The following ITFG1 variants were observed in gnomAD, a reference collection of about 807,000 sequenced individuals.
The protein encoded by ITFG1 is T-cell immunomodulatory protein.
ITFG1 carries 34 observed loss-of-function variants against 81.8 expected under a neutral mutation model. The ratio of observed to expected loss-of-function variants is 0.42; its 90% confidence interval spans 0.32 to 0.55. ITFG1 has a LOEUF of 0.55. Among genes scored for constraint, ITFG1 ranks in the 20% least tolerant of loss-of-function variants. The pLI, the probability that ITFG1 is intolerant of heterozygous loss-of-function variation, is 0.17. For synonymous variants in ITFG1, 285 were observed against 270.6 expected, an observed-to-expected ratio of 1.05 and a Z score of -0.52; for missense variants, 672 against 755.4, an observed-to-expected ratio of 0.89 and a Z score of 1.29.
intron 10 of ITFG1, 81 bp from the exon 11 acceptor site, chr16:47,260,776 A>G: frequency 9.2e-6 from 13 of 1,408,894 alleles, no homozygotes; most frequent in Non-Finnish European, 1.3e-5. Flanking sequence ...CTAGATTAAA[A>G]GGAGACGGTA....
At chr16:47,414,167 C>T (rs1490870459) in intron 6 of ITFG1, among the ~76,000 whole-genome samples, 1 of 151,876 alleles carries the variant, frequency 6.6e-6, no homozygotes, top group Non-Finnish European at 1.5e-5. Flanking sequence ...TGCAAACAAA[C>T]AAACAAAAGA....
At chr16:47,313,145 A>G (rs1967294039) in intron 9 of ITFG1, 1 of 152,258 alleles carries the variant, frequency 6.6e-6, no homozygotes, top group Non-Finnish European at 1.5e-5. Flanking sequence ...TAGAATGCTG[A>G]CTGTGTGAAG....
chr16:47,388,253 TGA>T (rs956540272), intron 6 of ITFG1, among the ~76,000 whole-genome samples: 17 of 151,474 alleles, frequency 1.1e-4, no homozygotes, highest in Admixed American at 2.0e-4. Context: ...CTAGTAGAAG[TGA>T]GAGAGAGAGA....
At chr16:47,269,505 T>G (rs1404221071) in intron 10 of ITFG1, among the ~76,000 whole-genome samples, 1 of 121,924 alleles carries the variant, frequency 8.2e-6, no homozygotes, top group Non-Finnish European at 1.7e-5. Flanking sequence ...AAAAAAAAAC[T>G]TGAAAAAAAA....
intron 12 of ITFG1, among the ~76,000 whole-genome samples, chr16:47,250,187 G>A (rs1279003784): frequency 6.6e-6 from 1 of 152,008 alleles, no homozygotes; most frequent in Admixed American, 6.6e-5. Context: ...ATATTCTATG[G>A]AAGATTTTTT....
intron 6 of ITFG1, among the ~76,000 whole-genome samples, chr16:47,427,849 G>A (rs1969043373): frequency 6.6e-6 from 1 of 152,326 alleles, no homozygotes; most frequent in East Asian, 1.9e-4. Context: ...AGAAATTGTT[G>A]TTGATTGGGT....
At chr16:47,409,405 T>TA (rs60029204) in intron 6 of ITFG1, among the ~76,000 whole-genome samples, 82 of 7,836 alleles carry the variant, frequency 0.01, no homozygotes, top group African/African-American at 0.018. Context: ...TATATATATA[T>TA]TTTTTTTTTT....
chr16:47,305,557 T>C (rs1967145236), intron 10 of ITFG1, among the ~76,000 whole-genome samples: 1 of 152,110 alleles, frequency 6.6e-6, no homozygotes, highest in Non-Finnish European at 1.5e-5. Context: ...AATAGAAATT[T>C]ACAGGAGTCA....
intron 7 of ITFG1, among the ~76,000 whole-genome samples, chr16:47,374,723 A>G (rs1277065623): frequency 6.6e-6 from 1 of 152,204 alleles, no homozygotes. Context: ...ACATTAAATA[A>G]GTCTTTTTTG....
At chr16:47,285,410 A>G (rs1175704408) in intron 10 of ITFG1, among the ~76,000 whole-genome samples, 10 of 152,154 alleles carry the variant, frequency 6.6e-5, no homozygotes, top group African/African-American at 2.4e-5. Context: ...ACCTGTCAAT[A>G]TAAGTAAGTG....
In ITFG1 at chr16:47,352,293, T is replaced by G. The variant is rs1468670457; in HGVS notation, c.802+13495A>C. 2.6e-5 allele frequency among the ~76,000 whole-genome samples: 4 copies of G among 152,078 alleles called. No homozygotes were observed. In the East Asian group the frequency reaches 5.8e-4, roughly 22 times the overall value. On this transcript the variant is annotated intron_variant, in intron 8 of 17. Coordinates refer to ENST00000320640, the MANE Select transcript of ITFG1 (RefSeq NM_030790.5). ...GGCAACCTACAGAATGGGAGAAAAG[T>G]TTTGCAATCTACTCATCTGACAAAG...
At chr16:47,324,641 G>T (rs1192918313) in intron 8 of ITFG1, among the ~76,000 whole-genome samples, 1 of 152,072 alleles carries the variant, frequency 6.6e-6, no homozygotes, top group Non-Finnish European at 1.5e-5. Context: ...GATGGAGGAA[G>T]ATCTACCAAG....
At chr16:47,241,783 G>A (rs1037139178) in intron 12 of ITFG1, among the ~76,000 whole-genome samples, 2 of 151,940 alleles carry the variant, frequency 1.3e-5, no homozygotes, top group African/African-American at 4.8e-5. Context: ...GTGAAACCCC[G>A]TCTCTACTAA....
chr16:47,302,981 T>C (rs1258691981), intron 10 of ITFG1, among the ~76,000 whole-genome samples: 3 of 152,020 alleles, frequency 2.0e-5, no homozygotes, highest in African/African-American at 4.8e-5. Flanking sequence ...TGAAGAAAAA[T>C]AGACGATAGG....
chr16:47,388,586 CA>C (rs1300410654), intron 6 of ITFG1, among the ~76,000 whole-genome samples: 5 of 151,990 alleles, frequency 3.3e-5, no homozygotes, highest in African/African-American at 1.2e-4. Context: ...TCCTGTCAAC[CA>C]AAAGTCCTAC....
chr16:47,345,807 T>A, intron 8 of ITFG1, among the ~76,000 whole-genome samples: 1 of 152,192 alleles, frequency 6.6e-6, no homozygotes. Context: ...GGGACTACCA[T>A]TGTATATGCG....
chr16:47,402,726 C>T (rs764922769), intron 6 of ITFG1, among the ~76,000 whole-genome samples: 7 of 152,090 alleles, frequency 4.6e-5, no homozygotes, highest in Non-Finnish European at 7.4e-5. Context: ...AAATTAATCA[C>T]GCACATAAGG....
At chr16:47,207,611 G>C (rs2151522887) in intron 14 of ITFG1, among the ~76,000 whole-genome samples, 1 of 152,314 alleles carries the variant, frequency 6.6e-6, no homozygotes, top group East Asian at 1.9e-4. Context: ...GAGGGGATGA[G>C]CTTGGTGAAT....
intron 8 of ITFG1, among the ~76,000 whole-genome samples, chr16:47,349,194 A>C (rs1967910039): frequency 6.6e-6 from 1 of 152,238 alleles, no homozygotes; most frequent in South Asian, 2.1e-4. Context: ...TGACATGATC[A>C]AATTCACACA....
Sources: gnomAD v4.1 joint callset for allele counts (sites outside exome capture counted in the v4.1 genomes callset) on GRCh38, gnomAD v4.1.1 for gene constraint, MANE v1.5 for transcripts, NCBI Gene and HGNC (gene_info 2026-07-23, HGNC 2026-07-21) for gene names.